Variants in PRDM1 observed in about 807,000 individuals in gnomAD.
PRDM1 encodes PR domain zinc finger protein 1.
In PRDM1, 13 loss-of-function variants were observed where a neutral mutation model predicts 62.8. The ratio of observed to expected loss-of-function variants is 0.21; its 90% confidence interval spans 0.13 to 0.33. The LOEUF (loss-of-function observed/expected upper bound fraction) is 0.33. Ranked by LOEUF, PRDM1 falls within the 10% of genes least tolerant of loss-of-function variation. The pLI is 1.00. For synonymous variants in PRDM1, 396 were observed against 417.6 expected (o/e 0.95, Z 0.63); for missense variants, 895 against 1,058.8 (o/e 0.85, Z 2.15).
In PRDM1 at chr6:106,088,306, A is replaced by G; in HGVS notation, c.148A>G (p.Thr50Ala). The change falls in exon 2 of 7, where the codon ACA becomes GCA. Residue 50 changes from threonine to alanine, a missense_variant. Around this residue, in one of 4 missense-constraint regions of PRDM1, gnomAD observed 213 missense variants for 283.9 expected, o/e 0.75. Transcript: ENST00000369096. ...DMEDADMTLW[T>A]EAEFEEKCTY... Reference sequence around the variant, plus strand: ...GGAGGATGCGGATATGACTCTGTGGACAGAGGCTGAGTTTGAAGAGAAGTG... The same window carrying G: ...GGAGGATGCGGATATGACTCTGTGGGCAGAGGCTGAGTTTGAAGAGAAGTG... 6.2e-7 allele frequency: 1 copy of G among 1,614,170 alleles called. No individual in the cohort carries two copies. Among genetic ancestry groups the G allele is most frequent in the Non-Finnish European group, 8.5e-7 (1 of 1,180,042 alleles).
At chr6:106,081,708 T>A (rs1773697341), upstream of PRDM1, among the ~76,000 whole-genome samples, 1 of 152,228 alleles carries the variant, frequency 6.6e-6, no homozygotes, top group Non-Finnish European at 1.5e-5. Flanking sequence ...TACAGTCTTG[T>A]TCTTCCCTTA....
intron 1 of PRDM1, among the ~76,000 whole-genome samples, chr6:106,035,416 G>A (rs1453159997): frequency 6.6e-6 from 1 of 152,110 alleles, no homozygotes; most frequent in Non-Finnish European, 1.5e-5. Flanking sequence ...GAGGCCAGGA[G>A]TTCAAGACCA....
chr6:106,107,109 A>T lies in PRDM1; in HGVS notation c.2101A>T (p.Ser701Cys). 3.7e-6 allele frequency: 6 copies of T among 1,614,242 alleles called. No individual in the cohort carries two copies. In the Admixed American group the frequency reaches 1.0e-4, roughly 27 times the overall value. ...QCHKNYIHLC[S>C]LKVHLKGNCA... The stretch of plus-strand genomic sequence containing the variant: ...CCACAAGAACTACATCCATCTCTGT[A>T]GCCTCAAGGTTCACCTGAAAGGGAA... Residue 701 changes from serine (S) to cysteine (C), a missense_variant, in exon 7 of 7, where the codon AGC (serine) becomes TGC (cysteine). By Grantham distance (112) the Ser-to-Cys change is moderately radical. Transcript: ENST00000369096.
At chr6:106,040,168 C>T (rs1484859458) in intron 1 of PRDM1, among the ~76,000 whole-genome samples, 1 of 152,242 alleles carries the variant, frequency 6.6e-6, no homozygotes, top group Non-Finnish European at 1.5e-5. Flanking sequence ...TCTTTCTTAT[C>T]TTGAACTGCG....
At chr6:106,089,968 T>TATC (rs1472278294) in intron 2 of PRDM1, among the ~76,000 whole-genome samples, 1 of 152,246 alleles carries the variant, frequency 6.6e-6, no homozygotes, top group African/African-American at 2.4e-5. Context: ...ATAATGTTCT[T>TATC]ATCGTCAGTT....
chr6:106,087,445 CA>C (rs1773838577), intron 1 of PRDM1: 1 of 231,564 alleles, frequency 4.3e-6, no homozygotes, highest in African/African-American at 2.2e-5. Context: ...TTTGCCTTTT[CA>C]ATTTGGTATG....
intron 1 of PRDM1, among the ~76,000 whole-genome samples, chr6:106,004,715 T>C (rs182719651): frequency 6.6e-6 from 1 of 152,234 alleles, no homozygotes; most frequent in Non-Finnish European, 1.5e-5. Context: ...CATGCTGTTA[T>C]GAATATATTA....
chr6:106,074,845 G>A (rs569756136), intron 1 of PRDM1, among the ~76,000 whole-genome samples: 3 of 152,280 alleles, frequency 2.0e-5, no homozygotes, highest in African/African-American at 4.8e-5. Context: ...ATAGTGGCAC[G>A]CGCCTGTGTT....
chr6:106,061,243 G>A (rs1423823450), intron 1 of PRDM1, among the ~76,000 whole-genome samples: 6 of 1,712 alleles, frequency 3.5e-3, no homozygotes, highest in African/African-American at 0.021. Context: ...CCACTGATCC[G>A]GACTGAGTGC....
At chr6:106,011,690 T>C (rs1772550707) in intron 1 of PRDM1, among the ~76,000 whole-genome samples, 1 of 152,004 alleles carries the variant, frequency 6.6e-6, no homozygotes, top group African/African-American at 2.4e-5. Context: ...CCCAGGTTAG[T>C]GGTATTGCCA....
intron 1 of PRDM1, among the ~76,000 whole-genome samples, chr6:106,024,085 T>C (rs1053373284): frequency 6.6e-6 from 1 of 152,038 alleles, no homozygotes; most frequent in African/African-American, 2.4e-5. Context: ...GAGGCTGCAA[T>C]GAGCCCTACT....
Position 106,109,223 on chromosome 6 carries a change from T to G in PRDM1, c.*1737T>G, listed in dbSNP as rs1340441267. Reference sequence around the variant, plus strand: ...AGACCCTAAAACCTTGGTGCAGTGGTGGGGACCACAAAACAACCAGGGAGG... The same window carrying G: ...AGACCCTAAAACCTTGGTGCAGTGGGGGGGACCACAAAACAACCAGGGAGG... On this transcript the variant is annotated 3_prime_UTR_variant, in exon 7 of 7. Transcript: ENST00000369096. The G allele has an allele frequency of 4.4e-6, 1 of 228,154 alleles. No homozygotes were observed. The highest frequency in any genetic ancestry group is 8.7e-6 in the Non-Finnish European group (1 of 114,714). The allele number at this position is 228,154 out of a possible 1,614,324, so 14.1% of individuals were successfully genotyped here. A position where few individuals can be genotyped will look rare whatever the true frequency, so the allele number is the denominator to read the frequency against.
intron 1 of PRDM1, among the ~76,000 whole-genome samples, chr6:106,065,053 T>A (rs1773410517): frequency 6.6e-6 from 1 of 152,176 alleles, no homozygotes; most frequent in Non-Finnish European, 1.5e-5. Flanking sequence ...ATGGGTTTAT[T>A]CTGATCTCTG....
chr6:106,003,520 ATTATCT>A (rs1354311464), intron 1 of PRDM1, among the ~76,000 whole-genome samples: 3 of 152,154 alleles, frequency 2.0e-5, no homozygotes, highest in African/African-American at 4.8e-5. Flanking sequence ...ATTTTAAAAA[ATTATCT>A]TTAGCTTCTG....
chr6:106,083,475 T>C (rs1310403520), upstream of PRDM1, among the ~76,000 whole-genome samples: 2 of 152,106 alleles, frequency 1.3e-5, no homozygotes, highest in Admixed American at 6.5e-5. Context: ...CATTCTACAA[T>C]AGTCCTTTCC....
chr6:106,057,695 A>C (rs1158363433), intron 1 of PRDM1, among the ~76,000 whole-genome samples: 1 of 152,186 alleles, frequency 6.6e-6, no homozygotes, highest in African/African-American at 2.4e-5. Flanking sequence ...AATCATTTGG[A>C]GTGACAGAGG....
chr6:106,088,466 T>G lies in PRDM1; in HGVS notation c.291+17T>G. On this transcript the variant is annotated intron_variant, in intron 2 of 6. Coordinates refer to ENST00000369096, the MANE Select transcript of PRDM1 (RefSeq NM_001198.4). Reference sequence around the variant, plus strand: ...AGTGAAGAGGTAAGCCTCTGGTTTATTGACAAGAAGATTGGGGACCTGGTG... The same window carrying G: ...AGTGAAGAGGTAAGCCTCTGGTTTAGTGACAAGAAGATTGGGGACCTGGTG... 6.2e-7 allele frequency: 1 copy of G among 1,613,956 alleles called. No individual in the cohort carries two copies. The highest frequency in any genetic ancestry group is 8.5e-7 in the Non-Finnish European group (1 of 1,179,870).
intron 1 of PRDM1, among the ~76,000 whole-genome samples, chr6:106,060,051 G>A (rs994602877): frequency 6.6e-5 from 10 of 152,196 alleles, no homozygotes; most frequent in Admixed American, 5.2e-4. Flanking sequence ...CTGATGCTCA[G>A]GGGAGTGTTC....
intron 1 of PRDM1, chr6:106,087,734 C>G (rs1452679294): frequency 8.6e-6 from 2 of 233,062 alleles, no homozygotes; most frequent in Non-Finnish European, 1.7e-5. Flanking sequence ...GCACCACACG[C>G]GCTTTCCATT....
Sources: gnomAD v4.1 joint callset for allele counts (sites outside exome capture counted in the v4.1 genomes callset) on GRCh38, gnomAD v4.1.1 for gene constraint, gnomAD v4.1.1 regional missense constraint, MANE v1.5 for transcripts, NCBI Gene and HGNC (gene_info 2026-07-23, HGNC 2026-07-21) for gene names.